EIF2AK2: variants seen among roughly 807,000 people sequenced by gnomAD.
The protein encoded by EIF2AK2 is interferon-induced, double-stranded RNA-activated protein kinase.
A neutral mutation model predicts 70.5 loss-of-function variants in EIF2AK2; 40 were observed. The observed-to-expected ratio is 0.57, with a 90% CI of 0.44 to 0.74. The LOEUF (loss-of-function observed/expected upper bound fraction) is 0.74. EIF2AK2 is among the 30% of genes least tolerant of loss of function. The pLI is 0.00. For missense variants in EIF2AK2, 555 were observed against 644.3 expected (o/e 0.86, Z 1.50); for synonymous variants, 198 against 220.9 (o/e 0.90, Z 0.92).
chr2:37,141,957 T>C (rs1441456705), intron 4 of EIF2AK2, among the ~76,000 whole-genome samples: 2 of 152,216 alleles, frequency 1.3e-5, no homozygotes, highest in Non-Finnish European at 2.9e-5. Context: ...ACTATAACAC[T>C]TTCTAGCTTG....
chr2:37,121,119 C>T lies in EIF2AK2; in HGVS notation c.1068-980G>A, dbSNP rs540810047. Among the ~76,000 whole-genome samples, 29 of 148,668 alleles carry T rather than the reference C, an allele frequency of 2.0e-4. 3 individuals carry two copies. The South Asian group carries it at 2.2e-3, about 11-fold the overall frequency. On this transcript the variant is annotated intron_variant, in intron 12 of 16. Transcript: ENST00000233057. ...TCTACTAAAAATACAAAAAATTAGC[C>T]GGGCGTGGTGGCGGGCGCCTGTAGT...
intron 1 of EIF2AK2, among the ~76,000 whole-genome samples, chr2:37,155,181 T>C (rs1339952297): frequency 6.6e-6 from 1 of 152,154 alleles, no homozygotes; most frequent in African/African-American, 2.4e-5. Context: ...TAAAATGCCC[T>C]TGACTCTATT....
At chr2:37,143,160 G>A (rs1186134553) in intron 4 of EIF2AK2, among the ~76,000 whole-genome samples, 3 of 150,662 alleles carry the variant, frequency 2.0e-5, no homozygotes, top group South Asian at 4.2e-4. Flanking sequence ...CATGGGAGGC[G>A]GAGGTTGCAG....
At chr2:37,122,116 A>G (rs924239434) in intron 12 of EIF2AK2, among the ~76,000 whole-genome samples, 8 of 152,114 alleles carry the variant, frequency 5.3e-5, no homozygotes, top group African/African-American at 1.9e-4. Context: ...GAGGGACAGA[A>G]AAGTGTTGGT....
intron 4 of EIF2AK2, among the ~76,000 whole-genome samples, chr2:37,144,551 G>C (rs776660014): frequency 2.0e-4 from 30 of 152,004 alleles, no homozygotes; most frequent in Non-Finnish European, 3.4e-4. Context: ...TGTAGGCCTA[G>C]GCTGATGTGT....
At chr2:37,148,540 G>C in intron 2 of EIF2AK2, 1 of 704,730 alleles carries the variant, frequency 1.4e-6, no homozygotes, top group Non-Finnish European at 2.6e-6. Context: ...ATGATGGATC[G>C]ATAGTTGCAG....
At chr2:37,121,972 C>A (rs1357568471) in intron 12 of EIF2AK2, among the ~76,000 whole-genome samples, 1 of 152,136 alleles carries the variant, frequency 6.6e-6, no homozygotes, top group Non-Finnish European at 1.5e-5. Context: ...GCTTAACTGA[C>A]ATAAAACATG....
intron 14 of EIF2AK2, among the ~76,000 whole-genome samples, chr2:37,112,315 A>G (rs1233302920): frequency 6.6e-6 from 1 of 152,222 alleles, no homozygotes; most frequent in Non-Finnish European, 1.5e-5. Context: ...TTTCTGCACC[A>G]CTAAGAAACT....
intron 14 of EIF2AK2, among the ~76,000 whole-genome samples, chr2:37,111,939 C>CTCTATA (rs1218303490): frequency 1.6e-5 from 2 of 121,704 alleles, no homozygotes; most frequent in African/African-American, 6.5e-5. Context: ...CTCTCTCTCT[C>CTCTATA]TATATATATA....
At chr2:37,112,436 A>G (rs558897461) in intron 14 of EIF2AK2, among the ~76,000 whole-genome samples, 14 of 152,324 alleles carry the variant, frequency 9.2e-5, no homozygotes, top group African/African-American at 3.4e-4. Flanking sequence ...GAAGATATCA[A>G]TGTTCCTCAC....
At chr2:37,136,871 C>T in intron 9 of EIF2AK2, 112 bp downstream of exon 9, 1 of 987,010 alleles carries the variant, frequency 1.0e-6, no homozygotes, top group African/African-American at 1.7e-5. Context: ...CTTTCTGCTT[C>T]TGAAACTCTG....
chr2:37,156,096 G>T (rs530009859), intron 1 of EIF2AK2, among the ~76,000 whole-genome samples: 4 of 152,254 alleles, frequency 2.6e-5, no homozygotes, highest in Non-Finnish European at 5.9e-5. Flanking sequence ...AAGCTGGCAT[G>T]GGAAGCAGTG....
intron 1 of EIF2AK2, among the ~76,000 whole-genome samples, chr2:37,155,187 CTA>C (rs1351588441): frequency 9.9e-5 from 15 of 152,184 alleles, no homozygotes; most frequent in Non-Finnish European, 8.8e-5. Flanking sequence ...GCCCTTGACT[CTA>C]TTCCTTCTGC....
At chr2:37,151,797 G>A (rs1675750062) in intron 1 of EIF2AK2, among the ~76,000 whole-genome samples, 1 of 152,252 alleles carries the variant, frequency 6.6e-6, no homozygotes, top group Non-Finnish European at 1.5e-5. Context: ...AACATGGATA[G>A]GCCAGGCGCC....
chr2:37,140,841 G>C (rs1330462645), intron 5 of EIF2AK2, among the ~76,000 whole-genome samples: 2 of 152,148 alleles, frequency 1.3e-5, no homozygotes, highest in Admixed American at 6.5e-5. Flanking sequence ...ATCCTAAAGT[G>C]ATGATTTAAA....
rs1164701134 is a variant in EIF2AK2, at chr2:37,102,833, TG to T, written c.*4439del. On this transcript the variant is annotated 3_prime_UTR_variant, in exon 17 of 17. Transcript: ENST00000233057. ...TATATATGCATATATTGTGTACATA[TG>T]TATATACATTGAATATATTTAACAT... 6.6e-6 allele frequency: 1 copy of T among 152,224 alleles called. No individual in the cohort carries two copies. Among genetic ancestry groups the T allele is most frequent in the African/African-American group, 2.4e-5 (1 of 41,458 alleles). 9.4% of individuals were successfully genotyped at this position (152,224 alleles called of 1,614,324 possible).
chr2:37,153,337 C>CTCTTTTTTTTTTTTTT lies in EIF2AK2; in HGVS notation c.-184+3570_-184+3571insAAAAAAAAAAAAAAGA, dbSNP rs777537067. On this transcript the variant is annotated intron_variant, in intron 1 of 16. Coordinates refer to ENST00000233057, the MANE Select transcript of EIF2AK2 (RefSeq NM_001135651.3). ...CCCAGTCCTTTCAGTCTCTGCTAAT[C>CTCTTTTTTTTTTTTTT]TTTTTTTTTTTTTTTTTTTTTGAGA... Among the ~76,000 whole-genome samples the CTCTTTTTTTTTTTTTT allele has an allele frequency of 8.2e-5, 9 of 109,890 alleles. 1 individual carries two copies. The highest frequency in any genetic ancestry group is 2.9e-4 in the South Asian group (1 of 3,410). The allele number at this position is 109,890 out of a possible 152,430, so 72.1% of individuals were successfully genotyped here. A position where few individuals can be genotyped will look rare whatever the true frequency, so the allele number is the denominator to read the frequency against.
rs577037136 is a variant in EIF2AK2 at position 37,140,474 on chromosome 2, G to A, written c.390-717C>T. Reference sequence around the variant, plus strand: ...AGTATTTGAACTCCTTTTGCTTTATGTTTCTGTTGGAAGCCATCGAGAGAA... The same window carrying A: ...AGTATTTGAACTCCTTTTGCTTTATATTTCTGTTGGAAGCCATCGAGAGAA... On this transcript the variant is annotated intron_variant, in intron 5 of 16. Coordinates refer to ENST00000233057, the MANE Select transcript of EIF2AK2 (RefSeq NM_001135651.3). Among the ~76,000 whole-genome samples the A allele has an allele frequency of 4.6e-5, 7 of 152,082 alleles. No individual in the cohort carries two copies. The East Asian group carries it at 1.4e-3, about 29-fold the overall frequency.
At chr2:37,148,046 T>G (rs1459464659) in intron 2 of EIF2AK2, among the ~76,000 whole-genome samples, 2 of 152,198 alleles carry the variant, frequency 1.3e-5, no homozygotes, top group Non-Finnish European at 2.9e-5. Flanking sequence ...AAAACTCAAC[T>G]TGGCCAGGTG....
Sources: allele counts gnomAD v4.1 joint callset (sites outside exome capture counted in the v4.1 genomes callset), GRCh38; gene constraint gnomAD v4.1.1; transcripts MANE v1.5; gene names NCBI Gene and HGNC (gene_info 2026-07-23, HGNC 2026-07-21).